FSTL5: variants seen among roughly 807,000 people sequenced by gnomAD.
FSTL5 encodes the protein follistatin-related protein 5.
FSTL5 carries 62 observed loss-of-function variants against 89.1 expected under a neutral mutation model. The ratio of observed to expected loss-of-function variants is 0.70; its 90% confidence interval spans 0.57 to 0.86. The LOEUF (loss-of-function observed/expected upper bound fraction) is 0.86. Among genes scored for constraint, FSTL5 ranks in the 40% least tolerant of loss-of-function variants. The probability of loss-of-function intolerance (pLI) is 0.00; values close to 1 mark genes in which losing one functional copy is unlikely to be tolerated. For synonymous variants in FSTL5, 383 were observed against 346.2 expected (o/e 1.11, Z -1.18); for missense variants, 1,057 against 1,001.6 (o/e 1.06, Z -0.75).
chr4:161,557,129 C>T (rs1027909627), intron 8 of FSTL5, among the ~76,000 whole-genome samples: 4 of 151,074 alleles, frequency 2.6e-5, no homozygotes, highest in Non-Finnish European at 4.4e-5. Context: ...GCAATAGTAC[C>T]CTTGTTTGAG....
intron 12 of FSTL5, among the ~76,000 whole-genome samples, chr4:161,497,966 A>G (rs1193083946): frequency 1.3e-5 from 2 of 151,874 alleles, no homozygotes; most frequent in East Asian, 3.9e-4. Context: ...TGTATCTATT[A>G]ATATATTATG....
intron 13 of FSTL5, among the ~76,000 whole-genome samples, chr4:161,462,837 G>C (rs1733626598): frequency 6.6e-6 from 1 of 151,952 alleles, no homozygotes; most frequent in African/African-American, 2.4e-5. Flanking sequence ...ACCTAGAAGA[G>C]AAAATAAACC....
intron 6 of FSTL5, among the ~76,000 whole-genome samples, chr4:161,665,162 A>G (rs1174853952): frequency 6.6e-6 from 1 of 152,224 alleles, no homozygotes; most frequent in Non-Finnish European, 1.5e-5. Context: ...CTGCACATAT[A>G]CGCCTGAACC....
At chr4:161,736,431 C>A (rs1739820753) in intron 6 of FSTL5, among the ~76,000 whole-genome samples, 1 of 152,080 alleles carries the variant, frequency 6.6e-6, no homozygotes, top group Non-Finnish European at 1.5e-5. Flanking sequence ...ACTTAAGAAG[C>A]AGTTTTGGCT....
intron 12 of FSTL5, among the ~76,000 whole-genome samples, chr4:161,494,879 G>T (rs1730009288): frequency 6.6e-6 from 1 of 151,936 alleles, no homozygotes; most frequent in Non-Finnish European, 1.5e-5. Flanking sequence ...GGGCAACCTT[G>T]CGAGGCCCTG....
chr4:162,103,785 A>G (rs1731095852), intron 2 of FSTL5, among the ~76,000 whole-genome samples: 1 of 152,180 alleles, frequency 6.6e-6, no homozygotes, highest in Non-Finnish European at 1.5e-5. Flanking sequence ...TCCACCTTTA[A>G]ACAAGGGTCT....
chr4:161,641,395 G>T (rs1242595319), intron 7 of FSTL5, among the ~76,000 whole-genome samples: 1 of 151,126 alleles, frequency 6.6e-6, no homozygotes, highest in Non-Finnish European at 1.5e-5. Context: ...GTAAAAAGAT[G>T]TAATTTTATG....
chr4:161,736,965 T>C (rs1739841683), intron 6 of FSTL5, among the ~76,000 whole-genome samples: 1 of 152,092 alleles, frequency 6.6e-6, no homozygotes, highest in African/African-American at 2.4e-5. Context: ...CCCTGGATGA[T>C]ATTTGAAATG....
intron 7 of FSTL5, among the ~76,000 whole-genome samples, chr4:161,646,754 T>C (rs1736167956): frequency 6.6e-6 from 1 of 152,182 alleles, no homozygotes; most frequent in South Asian, 2.1e-4. Context: ...AGATCAACTG[T>C]ATATGCTATG....
rs1256837443 is a variant in FSTL5, at chr4:161,806,789, T to C, written c.410-30715A>G. ...TAATAATAGAGATAGATAGATAAAATCGGTGTATGACTGCAAAGTAAAAGA... is the reference window on the plus strand; with the variant it reads ...TAATAATAGAGATAGATAGATAAAACCGGTGTATGACTGCAAAGTAAAAGA... On this transcript the variant is annotated intron_variant, in intron 4 of 15. Coordinates refer to ENST00000306100, the MANE Select transcript of FSTL5 (RefSeq NM_020116.5). Among the ~76,000 whole-genome samples the C allele has an allele frequency of 4.6e-5, 7 of 151,962 alleles. 1 individual carries two copies. Among genetic ancestry groups the C allele is most frequent in the Non-Finnish European group, 1.0e-4 (7 of 67,994 alleles).
chr4:161,786,354 C>T (rs577138523), intron 4 of FSTL5, among the ~76,000 whole-genome samples: 2 of 152,080 alleles, frequency 1.3e-5, no homozygotes, highest in Non-Finnish European at 2.9e-5. Context: ...TGACCTTATA[C>T]CAACTCAATA....
intron 9 of FSTL5, among the ~76,000 whole-genome samples, chr4:161,539,694 T>C (rs908905964): frequency 2.6e-5 from 4 of 151,710 alleles, no homozygotes; most frequent in African/African-American, 4.8e-5. Flanking sequence ...GTATTCTAAA[T>C]ACAAACCAAC....
intron 4 of FSTL5, among the ~76,000 whole-genome samples, chr4:161,783,167 A>G (rs546798868): frequency 1.3e-5 from 2 of 152,326 alleles, no homozygotes; most frequent in African/African-American, 4.8e-5. Context: ...TTTACCCCCC[A>G]AAAATACAAT....
intron 3 of FSTL5, among the ~76,000 whole-genome samples, chr4:161,953,509 A>G (rs559993780): frequency 7.9e-5 from 12 of 151,796 alleles, no homozygotes; most frequent in African/African-American, 2.9e-4. Flanking sequence ...AGAGATTGCT[A>G]CTTTATAGGT....
intron 2 of FSTL5, among the ~76,000 whole-genome samples, chr4:162,106,498 G>A (rs1731231506): frequency 6.6e-6 from 1 of 152,128 alleles, no homozygotes; most frequent in Non-Finnish European, 1.5e-5. Flanking sequence ...TTAGATACAC[G>A]TTAATATGCT....
intron 6 of FSTL5, among the ~76,000 whole-genome samples, chr4:161,722,063 A>G (rs1299826193): frequency 6.6e-6 from 1 of 152,026 alleles, no homozygotes; most frequent in African/African-American, 2.4e-5. Flanking sequence ...GACTTTGAAG[A>G]TGTCTTTTTC....
chr4:161,863,999 T>C (rs930925556), intron 4 of FSTL5, among the ~76,000 whole-genome samples: 1 of 152,206 alleles, frequency 6.6e-6, no homozygotes, highest in African/African-American at 2.4e-5. Context: ...ACTCAAGGTG[T>C]TCTATTTAGT....
At chr4:162,074,155 C>T (rs1729740068) in intron 2 of FSTL5, among the ~76,000 whole-genome samples, 1 of 151,708 alleles carries the variant, frequency 6.6e-6, no homozygotes, top group South Asian at 2.1e-4. Flanking sequence ...ATTCCCAGGA[C>T]AGAAGTATTT....
intron 9 of FSTL5, among the ~76,000 whole-genome samples, chr4:161,541,343 A>C (rs1479811234): frequency 6.6e-6 from 1 of 152,080 alleles, no homozygotes; most frequent in African/African-American, 2.4e-5. Flanking sequence ...TATATTCCTG[A>C]AAGCAAAATT....
Sources: allele counts gnomAD v4.1 joint callset (sites outside exome capture counted in the v4.1 genomes callset), GRCh38; gene constraint gnomAD v4.1.1; transcripts MANE v1.5; gene names NCBI Gene and HGNC (gene_info 2026-07-23, HGNC 2026-07-21).